CDH12: variants seen among roughly 807,000 people sequenced by gnomAD.
CDH12 encodes cadherin-12.
Under a neutral mutation model 74.1 loss-of-function variants are expected in CDH12, and 41 were observed. That is an observed-to-expected ratio of 0.55 (90% CI 0.43 to 0.72). The LOEUF (loss-of-function observed/expected upper bound fraction) is 0.72. Among genes scored for constraint, CDH12 ranks in the 30% least tolerant of loss-of-function variants. The pLI, the probability that CDH12 is intolerant of heterozygous loss-of-function variation, is 0.00. For synonymous variants in CDH12, 399 were observed against 355.0 expected (o/e 1.12, Z -1.39); for missense variants, 945 against 977.2 (o/e 0.97, Z 0.44).
intron 4 of CDH12, among the ~76,000 whole-genome samples, chr5:22,180,576 G>A (rs1273258094): frequency 1.3e-5 from 2 of 151,758 alleles, no homozygotes; most frequent in Non-Finnish European, 2.9e-5. Flanking sequence ...GCAGTGGGGC[G>A]ATCTTAACTC....
chr5:22,264,058 CTATA>C (rs1753620112), intron 3 of CDH12, among the ~76,000 whole-genome samples: 1 of 151,034 alleles, frequency 6.6e-6, no homozygotes, highest in Admixed American at 6.6e-5. Context: ...CTCTGAAAAT[CTATA>C]TGTATGTATT....
chr5:21,764,856 T>C lies in CDH12; in HGVS notation c.1515+122A>G, dbSNP rs902641081. ...AGTTTAATTAATCTTTTATGGTTTC[T>C]TTTATGAAAGCTCTGATTCAGAAAA... On this transcript the variant is annotated intron_variant, in intron 12 of 14. Coordinates refer to ENST00000382254, the MANE Select transcript of CDH12 (RefSeq NM_004061.5). The C allele has an allele frequency of 5.0e-5, 46 of 918,220 alleles. 1 individual carries two copies. The African/African-American group carries it at 5.9e-4, about 12-fold the overall frequency. The allele number at this position is 918,220 out of a possible 1,614,324, so 56.9% of individuals were successfully genotyped here. A position where few individuals can be genotyped will look rare whatever the true frequency, so the allele number is the denominator to read the frequency against.
At chr5:22,400,228 GT>G (rs890332340) in intron 3 of CDH12, among the ~76,000 whole-genome samples, 1 of 151,514 alleles carries the variant, frequency 6.6e-6, no homozygotes, top group Non-Finnish European at 1.5e-5. Flanking sequence ...ATTGGATGTT[GT>G]TTTTTTTATT....
chr5:22,587,473 T>G (rs1373892896), intron 1 of CDH12, among the ~76,000 whole-genome samples: 2 of 152,188 alleles, frequency 1.3e-5, no homozygotes, highest in East Asian at 3.9e-4. Context: ...TCATTTAATT[T>G]CATCAAGGGC....
At chr5:22,250,600 C>T (rs935266910) in intron 3 of CDH12, among the ~76,000 whole-genome samples, 9 of 152,134 alleles carry the variant, frequency 5.9e-5, no homozygotes, top group African/African-American at 2.2e-4. Context: ...TGTATAAATG[C>T]CAACAATATG....
chr5:22,081,806 T>C (rs1238869140), intron 4 of CDH12, among the ~76,000 whole-genome samples: 2 of 152,226 alleles, frequency 1.3e-5, no homozygotes, highest in African/African-American at 4.8e-5. Flanking sequence ...TGTGGCTCCC[T>C]ACCAGAGTAA....
chr5:22,492,687 C>T (rs1580703860), intron 2 of CDH12, among the ~76,000 whole-genome samples: 2 of 152,056 alleles, frequency 1.3e-5, no homozygotes. Flanking sequence ...TTATTCATTC[C>T]TCTATGAATA....
chr5:22,808,919 T>C (rs1748968674), intron 1 of CDH12, among the ~76,000 whole-genome samples: 1 of 151,896 alleles, frequency 6.6e-6, no homozygotes. Context: ...CTTACATAAA[T>C]TTTCTAACAG....
intron 1 of CDH12, among the ~76,000 whole-genome samples, chr5:22,560,540 T>C (rs557481403): frequency 6.6e-5 from 10 of 152,140 alleles, no homozygotes; most frequent in Non-Finnish European, 1.5e-4. Context: ...AGCAAAAATA[T>C]TAACAGCAAA....
chr5:22,219,151 C>G (rs1173142176), intron 3 of CDH12, among the ~76,000 whole-genome samples: 2 of 151,696 alleles, frequency 1.3e-5, no homozygotes, highest in Non-Finnish European at 3.0e-5. Context: ...GGAAATATTA[C>G]TCTAGCCTAT....
intron 1 of CDH12, among the ~76,000 whole-genome samples, chr5:22,774,230 G>A (rs936537308): frequency 3.9e-5 from 6 of 152,100 alleles, no homozygotes; most frequent in African/African-American, 7.2e-5. Flanking sequence ...CAATCTAGGT[G>A]CCTATAAATG....
intron 4 of CDH12, among the ~76,000 whole-genome samples, chr5:22,137,760 C>T (rs970781841): frequency 2.1e-4 from 32 of 152,128 alleles, no homozygotes; most frequent in African/African-American, 4.6e-4. Context: ...GGCACAAGGG[C>T]GCCATAAATA....
chr5:22,524,139 T>G (rs1318162541), intron 1 of CDH12, among the ~76,000 whole-genome samples: 3 of 151,850 alleles, frequency 2.0e-5, no homozygotes, highest in Non-Finnish European at 4.4e-5. Flanking sequence ...CACGCCACCA[T>G]ATCTGGCTAA....
At chr5:21,920,849 C>T (rs890455515) in intron 6 of CDH12, among the ~76,000 whole-genome samples, 8 of 151,978 alleles carry the variant, frequency 5.3e-5, no homozygotes, top group Admixed American at 3.3e-4. Context: ...AACCCAAAAA[C>T]ATTTAGGAAA....
rs1180114052 is a variant in CDH12 at position 21,922,824 on chromosome 5, C to A, written c.526+52267G>T. On this transcript the variant is annotated intron_variant, in intron 6 of 14. Transcript: ENST00000382254. ...CAGGATAATATTACCTTTCTCTCTG[C>A]CAATACAAGGTTGATAATTATCTCT... Among the ~76,000 whole-genome samples, 3 of 151,974 alleles carry A rather than the reference C, an allele frequency of 2.0e-5. No homozygotes were observed. The East Asian group carries it at 5.8e-4, about 29-fold the overall frequency.
chr5:21,825,662 T>C (rs1748629181), intron 8 of CDH12, among the ~76,000 whole-genome samples: 1 of 152,142 alleles, frequency 6.6e-6, no homozygotes, highest in Admixed American at 6.6e-5. Context: ...GAACCCATCA[T>C]TGTGTAGTAA....
intron 1 of CDH12, among the ~76,000 whole-genome samples, chr5:22,672,407 A>T (rs1740950728): frequency 6.6e-6 from 1 of 151,938 alleles, no homozygotes; most frequent in African/African-American, 2.4e-5. Context: ...TAAAGAGATG[A>T]TTAGGCCAGG....
intron 3 of CDH12, among the ~76,000 whole-genome samples, chr5:22,368,916 G>A (rs1741151240): frequency 6.6e-6 from 1 of 151,988 alleles, no homozygotes; most frequent in Non-Finnish European, 1.5e-5. Flanking sequence ...ATCACTTGAG[G>A]TCAGGAGTTC....
chr5:22,712,844 A>G (rs201485975), intron 1 of CDH12, among the ~76,000 whole-genome samples: 4 of 152,210 alleles, frequency 2.6e-5, no homozygotes, highest in African/African-American at 9.6e-5. Context: ...TAAAAAATAT[A>G]CTGCCTCTCC....
Sources: gnomAD v4.1 joint callset for allele counts (sites outside exome capture counted in the v4.1 genomes callset) on GRCh38, gnomAD v4.1.1 for gene constraint, MANE v1.5 for transcripts, NCBI Gene and HGNC (gene_info 2026-07-23, HGNC 2026-07-21) for gene names.